Variants in PPP2R1B observed in about 807,000 individuals in gnomAD.
The protein encoded by PPP2R1B is serine/threonine-protein phosphatase 2A 65 kDa regulatory subunit A beta isoform.
PPP2R1B carries 58 observed loss-of-function variants against 72.7 expected under a neutral mutation model. That is an observed-to-expected ratio of 0.80 (90% CI 0.65 to 0.99). The LOEUF (loss-of-function observed/expected upper bound fraction) is 0.99, where lower values mean the gene tolerates loss of function less well. Among genes scored for constraint, PPP2R1B ranks in the 50% least tolerant of loss-of-function variants. The pLI is 0.00. For missense variants in PPP2R1B, 695 were observed against 733.6 expected (o/e 0.95, Z 0.61); for synonymous variants, 256 against 264.6 (o/e 0.97, Z 0.32).
At chr11:111,705,508 C>T in the PPP2R1B span, among the ~76,000 whole-genome samples, 12 of 152,058 alleles carry the variant, frequency 7.9e-5, no homozygotes, top group African/African-American at 1.9e-4. The surrounding 1 kb of genome is among the most constrained non-coding windows in gnomAD (Gnocchi z 4.3). Flanking sequence ...AGAGACATCG[C>T]GCTATAAAAA....
the PPP2R1B span, chr11:111,712,274 C>T: frequency 4.3e-6 from 7 of 1,614,116 alleles, no homozygotes; most frequent in Admixed American, 1.7e-5. Context: ...GCGATCTGCC[C>T]TCCTCCCCCA....
chr11:111,741,889 C>A, intron 14 of PPP2R1B, 164 bp downstream of exon 14: 1 of 782,662 alleles, frequency 1.3e-6, no homozygotes, highest in Admixed American at 2.0e-5. Flanking sequence ...AAATGGTGGG[C>A]CAAGAGGGTT....
the PPP2R1B span, among the ~76,000 whole-genome samples, chr11:111,712,923 G>A: frequency 6.6e-6 from 1 of 152,306 alleles, no homozygotes; most frequent in Non-Finnish European, 1.5e-5. Context: ...CCAGCACTTT[G>A]GGAGGCCGAG....
Position 111,752,298 on chromosome 11 carries a change from A to G in PPP2R1B, c.1199T>C (p.Leu400Ser). The change falls in exon 10 of 15, where the codon TTG becomes TCG. Residue 400 changes from leucine (L) to serine (S), a missense_variant. Leu to Ser is a moderately radical substitution (Grantham distance 145). Transcript: ENST00000527614. Reference protein sequence around the residue: ...PDVRLNIISNLDCVNEVIGIR... With the variant: ...PDVRLNIISNSDCVNEVIGIR... Reference sequence around the variant, plus strand: ...TCCAATCACTTCATTTACACAATCCAAATTGGAGATGATATTCAAACGAAC... The same window carrying G: ...TCCAATCACTTCATTTACACAATCCGAATTGGAGATGATATTCAAACGAAC... 6.2e-7 allele frequency: 1 copy of G among 1,613,342 alleles called. No homozygotes were observed. The highest frequency in any genetic ancestry group is 8.5e-7 in the Non-Finnish European group (1 of 1,179,714).
At chr11:111,764,761 T>A (rs374972525) in intron 3 of PPP2R1B, 44 bp downstream of exon 3, 10 of 1,588,872 alleles carry the variant, frequency 6.3e-6, no homozygotes, top group South Asian at 1.1e-5. Context: ...TCATTTATAC[T>A]GCAAAAGTTG....
intron 10 of PPP2R1B, among the ~76,000 whole-genome samples, chr11:111,749,851 G>A (rs1944838124): frequency 6.6e-6 from 1 of 152,128 alleles, no homozygotes; most frequent in African/African-American, 2.4e-5. Context: ...GCTCTCTATA[G>A]AGCTAGCAAC....
chr11:111,727,245 G>A, intron 15 of PPP2R1B: 1 of 607,224 alleles, frequency 1.6e-6, no homozygotes, highest in Non-Finnish European at 2.9e-6. Context: ...GAGAGCATCA[G>A]GGCCCACCAG....
At chr11:111,721,565 C>T in the PPP2R1B span, among the ~76,000 whole-genome samples, 2 of 152,086 alleles carry the variant, frequency 1.3e-5, no homozygotes. Flanking sequence ...AGTTCGAGGC[C>T]CACATGAAGG....
At chr11:111,762,273 T>C (rs1945355477) in intron 3 of PPP2R1B, among the ~76,000 whole-genome samples, 1 of 152,196 alleles carries the variant, frequency 6.6e-6, no homozygotes, top group Non-Finnish European at 1.5e-5. Context: ...TTTTAAAAAT[T>C]GTTTGATACA....
downstream of PPP2R1B, chr11:111,722,766 G>C (rs537022066): frequency 1.2e-6 from 2 of 1,611,614 alleles, no homozygotes; most frequent in African/African-American, 1.3e-5. This position sits in a 1 kb window ranked among gnomAD's most constrained non-coding sequence, Gnocchi z 4.4. Context: ...GGTGAGAAGG[G>C]GACTTTGGCC....
intron 5 of PPP2R1B, among the ~76,000 whole-genome samples, chr11:111,757,113 CA>C (rs549628068): frequency 1.4e-3 from 106 of 78,140 alleles, no homozygotes; most frequent in Non-Finnish European, 1.2e-3. Context: ...AACTCCAACT[CA>C]AAAAAAAAAA....
chr11:111,713,248 C>T, the PPP2R1B span, among the ~76,000 whole-genome samples: 1 of 152,178 alleles, frequency 6.6e-6, no homozygotes, highest in Non-Finnish European at 1.5e-5. Flanking sequence ...CAGCTTCTCT[C>T]ATTCATAGAT....
In PPP2R1B at chr11:111,741,545, T is replaced by C; in HGVS notation, c.*51A>G. Reference sequence around the variant, plus strand: ...TCCACCCAGTTAAGAACACATTGACTAGAAATTTGTGACAAGAATCTAGTA... The same window carrying C: ...TCCACCCAGTTAAGAACACATTGACCAGAAATTTGTGACAAGAATCTAGTA... On this transcript the variant is annotated 3_prime_UTR_variant, in exon 15 of 15. Transcript: ENST00000527614. The C allele has an allele frequency of 6.2e-7, 1 of 1,606,048 alleles. No homozygotes were observed. The highest frequency in any genetic ancestry group is 8.5e-7 in the Non-Finnish European group (1 of 1,177,890).
the PPP2R1B span, among the ~76,000 whole-genome samples, chr11:111,689,812 G>A: frequency 6.6e-6 from 1 of 152,096 alleles, no homozygotes; most frequent in African/African-American, 2.4e-5. Flanking sequence ...GGCAATTAGG[G>A]GAAGGCAAAT....
intron 15 of PPP2R1B, chr11:111,730,412 T>G (rs1338529115): frequency 3.3e-5 from 5 of 152,158 alleles, no homozygotes; most frequent in Non-Finnish European, 5.9e-5. Context: ...AGAGAAAGGT[T>G]TGCTTCACTT....
intron 6 of PPP2R1B, 79 bp downstream of exon 6, chr11:111,755,216 A>T: frequency 6.5e-7 from 1 of 1,541,732 alleles, no homozygotes; most frequent in Non-Finnish European, 8.8e-7. Flanking sequence ...AAAAGAATTA[A>T]TTCAGAAACT....
chr11:111,711,290 T>G, the PPP2R1B span, among the ~76,000 whole-genome samples: 1 of 151,994 alleles, frequency 6.6e-6, no homozygotes, highest in South Asian at 2.1e-4. Context: ...AGCTAATTTT[T>G]TTTTGTATTT....
chr11:111,701,324 G>A, the PPP2R1B span: 40 of 1,284,230 alleles, frequency 3.1e-5, no homozygotes, highest in Non-Finnish European at 3.7e-5. The surrounding 1 kb of genome is among the most constrained non-coding windows in gnomAD (Gnocchi z 4.2). Context: ...TTCAAATTCT[G>A]AGAAAATAAT....
intron 15 of PPP2R1B, chr11:111,728,992 T>TAA (rs1314574026): frequency 6.6e-6 from 1 of 152,202 alleles, no homozygotes; most frequent in African/African-American, 2.4e-5. Flanking sequence ...GAGATTTTCT[T>TAA]AAAGTTTCTA....
Sources: gnomAD v4.1 joint callset for allele counts (sites outside exome capture counted in the v4.1 genomes callset) on GRCh38, gnomAD v4.1.1 for gene constraint, Gnocchi (gnomAD v3.1) non-coding constraint, MANE v1.5 for transcripts, NCBI Gene and HGNC (gene_info 2026-07-23, HGNC 2026-07-21) for gene names.